The following MCAM variants were observed in gnomAD, a reference collection of about 807,000 sequenced individuals.
The protein encoded by MCAM is cell surface glycoprotein MUC18.
A neutral mutation model predicts 79.1 loss-of-function variants in MCAM; 55 were observed. The observed-to-expected ratio is 0.70, with a 90% confidence interval of 0.56 to 0.87. MCAM has a LOEUF of 0.87. Ranked by LOEUF, MCAM falls within the 40% of genes least tolerant of loss-of-function variation. The pLI, the probability that MCAM is intolerant of heterozygous loss-of-function variation, is 0.00. For synonymous variants in MCAM, 330 were observed against 339.8 expected (o/e 0.97, Z 0.32); for missense variants, 745 against 839.8 (o/e 0.89, Z 1.40).
At chr11:119,313,156 A>G (rs749631385) in intron 5 of MCAM, 17 of 1,519,302 alleles carry the variant, frequency 1.1e-5, no homozygotes, top group Non-Finnish European at 3.5e-6. Flanking sequence ...ATGTCTGCTC[A>G]TATCCAAGGA....
intron 13 of MCAM, 79 bp from the exon 14 acceptor site, chr11:119,310,982 C>T (rs575766801): frequency 3.4e-5 from 55 of 1,613,542 alleles, no homozygotes; most frequent in South Asian, 6.6e-5. Flanking sequence ...AGTCCAGGGC[C>T]GACAAGATGG....
rs772468420 is a variant in MCAM, at chr11:119,312,225, C to T, written c.1024+41G>A. Reference sequence around the variant, plus strand: ...GCAGGGTGGGGCCAGTTCCCTATTGCCCCAGCCTGGTCCCCCTGTCCTGGG... The same window carrying T: ...GCAGGGTGGGGCCAGTTCCCTATTGTCCCAGCCTGGTCCCCCTGTCCTGGG... On this transcript the variant is annotated intron_variant, in intron 8 of 15. Coordinates refer to ENST00000264036, the MANE Select transcript of MCAM (RefSeq NM_006500.3). This position sits in a 1 kb window ranked among gnomAD's most constrained non-coding sequence, Gnocchi z 4.9. 1.7e-5 allele frequency: 27 copies of T among 1,612,182 alleles called. No homozygotes were observed. Among genetic ancestry groups the T allele is most frequent in the Non-Finnish European group, 1.7e-5 (20 of 1,178,858 alleles).
At position 119,315,010 on chromosome 11, in the gene MCAM, G is replaced by A. The variant is rs777450325; in HGVS notation, c.223C>T (p.Arg75Cys). The change falls in exon 3 of 16, where the codon CGT (arginine) becomes TGT (cysteine). Residue 75 changes from arginine (R) to cysteine (C), a missense_variant. Arg to Cys is a radical substitution (Grantham distance 180). Transcript: ENST00000264036. This position sits in a 1 kb window ranked among gnomAD's most constrained non-coding sequence, Gnocchi z 4.4. ...VHKEKRTLIF[R>C]VRQGQGQSEP... ...CTCTGGCCCTGGCCCTGGCGCACAC[G>A]GAAGATGAGCGTCCGCTTCTCCTTG... The A allele has an allele frequency of 2.5e-6, 4 of 1,608,904 alleles. No homozygotes were observed. The highest frequency in any genetic ancestry group is 2.7e-5 in the African/African-American group (2 of 74,904).
rs1425291701 is a variant in MCAM at position 119,315,401 on chromosome 11, C to T, written c.68-138G>A. On this transcript the variant is annotated intron_variant, in intron 1 of 15. Coordinates refer to ENST00000264036, the MANE Select transcript of MCAM (RefSeq NM_006500.3). The surrounding 1 kb of genome is among the most constrained non-coding windows in gnomAD (Gnocchi z 4.4). ...GGCCCTGTCCTCTGAACGCTCTACCCCCACCCCGACCCGCGCCCCACCTGG... is the reference window on the plus strand; with the variant it reads ...GGCCCTGTCCTCTGAACGCTCTACCTCCACCCCGACCCGCGCCCCACCTGG... The T allele has an allele frequency of 1.8e-6, 2 of 1,118,588 alleles. No individual in the cohort carries two copies. The highest frequency in any genetic ancestry group is 5.2e-5 in the East Asian group (2 of 38,436). 69.3% of individuals were successfully genotyped at this position (1,118,588 alleles called of 1,614,324 possible). A position where few individuals can be genotyped will look rare whatever the true frequency, so the allele number is the denominator to read the frequency against.
rs1950173208 is a variant in MCAM at position 119,308,564 on chromosome 11, T to TATATATTTTCATATATATATATACATAC, written c.*1294_*1321dup. On this transcript the variant is annotated 3_prime_UTR_variant, in exon 16 of 16. Coordinates refer to ENST00000264036, the MANE Select transcript of MCAM (RefSeq NM_006500.3). ...AATTAAGCTTTATTTTTCATATATA[T>TATATATTTTCATATATATATATACATAC]ATATATTTTCATATATATATATACA... 2.7e-5 allele frequency: 4 copies of TATATATTTTCATATATATATATACATAC among 150,464 alleles called. No individual in the cohort carries two copies. Among genetic ancestry groups the TATATATTTTCATATATATATATACATAC allele is most frequent in the Admixed American group, 2.0e-4 (3 of 15,024 alleles). 9.3% of individuals were successfully genotyped at this position (150,464 alleles called of 1,614,324 possible).
Position 119,316,973 on chromosome 11 carries a change from T to C in MCAM, c.67+62A>G. On this transcript the variant is annotated intron_variant, in intron 1 of 15. Coordinates refer to ENST00000264036, the MANE Select transcript of MCAM (RefSeq NM_006500.3). The surrounding 1 kb of genome is among the most constrained non-coding windows in gnomAD (Gnocchi z 4.8). ...GACCCCGCCGCGCCGCTGGCTCTGC[T>C]CCCTGGCACGCTCCACCGCAGACCC... 1 of 1,417,514 alleles carries C rather than the reference T, an allele frequency of 7.1e-7. No individual in the cohort carries two copies. Among genetic ancestry groups the C allele is most frequent in the Non-Finnish European group, 9.5e-7 (1 of 1,053,276 alleles). The allele number at this position is 1,417,514 out of a possible 1,614,324, so 87.8% of individuals were successfully genotyped here.
At position 119,315,405 on chromosome 11, in the gene MCAM, C is replaced by T. The variant is rs1024744314; in HGVS notation, c.68-142G>A. The T allele has an allele frequency of 4.6e-6, 5 of 1,096,466 alleles. No homozygotes were observed. Among genetic ancestry groups the T allele is most frequent in the Non-Finnish European group, 6.4e-6 (5 of 783,608 alleles). The allele number at this position is 1,096,466 out of a possible 1,614,324, so 67.9% of individuals were successfully genotyped here. Reference sequence around the variant, plus strand: ...CTGTCCTCTGAACGCTCTACCCCCACCCCGACCCGCGCCCCACCTGGGCCA... The same window carrying T: ...CTGTCCTCTGAACGCTCTACCCCCATCCCGACCCGCGCCCCACCTGGGCCA... On this transcript the variant is annotated intron_variant, in intron 1 of 15. Transcript: ENST00000264036. The surrounding 1 kb of genome is among the most constrained non-coding windows in gnomAD (Gnocchi z 4.4).
At chr11:119,310,229 A>AGATGGGGCCTGC (rs1299272625) in intron 15 of MCAM, 120 bp downstream of exon 15, 1 of 759,526 alleles carries the variant, frequency 1.3e-6, no homozygotes, top group Admixed American at 2.1e-5. Flanking sequence ...TAAGAAGGCA[A>AGATGGGGCCTGC]GATGGGGCCT....
At chr11:119,313,049 C>A (rs1313705735) in intron 5 of MCAM, 100 bp from the exon 6 acceptor site, 1 of 1,575,312 alleles carries the variant, frequency 6.3e-7, no homozygotes, top group Non-Finnish European at 8.6e-7. Context: ...TCTAAATAGC[C>A]CCCTGTCCCC....
chr11:119,313,147 T>C (rs1025082811), intron 5 of MCAM, 198 bp from the exon 6 acceptor site: 1 of 1,525,538 alleles, frequency 6.6e-7, no homozygotes, highest in Non-Finnish European at 8.8e-7. Flanking sequence ...AACATTTTCA[T>C]GTCTGCTCAT....
Position 119,312,516 on chromosome 11 carries a change from A to G in MCAM, c.861+11T>C. ...GCATCCCCACCTGCACCCAGCACAA[A>G]GCCCCCACACCTGCTTGCTGATGCT... On this transcript the variant is annotated intron_variant, in intron 7 of 15. Transcript: ENST00000264036. The surrounding 1 kb of genome is among the most constrained non-coding windows in gnomAD (Gnocchi z 4.9). 6.2e-7 allele frequency: 1 copy of G among 1,613,974 alleles called. No homozygotes were observed. The highest frequency in any genetic ancestry group is 8.5e-7 in the Non-Finnish European group (1 of 1,179,996).
chr11:119,313,096 T>C (rs1329851714), intron 5 of MCAM, 147 bp from the exon 6 acceptor site: 16 of 1,539,554 alleles, frequency 1.0e-5, no homozygotes, highest in Non-Finnish European at 1.2e-5. Context: ...CTGGAAACCC[T>C]TCAACCCAGC....
At position 119,311,408 on chromosome 11, in the gene MCAM, T is replaced by A. The variant is rs1950231891; in HGVS notation, c.1421A>T (p.Asp474Val). The A allele has an allele frequency of 6.2e-7, 1 of 1,613,882 alleles. No homozygotes were observed. Among genetic ancestry groups the A allele is most frequent in the Admixed American group, 1.7e-5 (1 of 59,986 alleles). The change falls in exon 12 of 16, where the codon GAC becomes GTC. Residue 474 changes from aspartate (D) to valine (V), a missense_variant. Transcript: ENST00000264036. The surrounding 1 kb of genome is among the most constrained non-coding windows in gnomAD (Gnocchi z 4.4). ...WNVNGTASEQ[D>V]QDPQRVLSTL... ...GCTCAGGACTCGCTGTGGATCTTGG[T>A]CTTGTTCACTTGCCTGCGAGGAAAG...
At position 119,311,286 on chromosome 11, in the gene MCAM, C is replaced by G; in HGVS notation, c.1543G>C (p.Glu515Gln). ...LGKNTSILFL[E>Q]LVNLTTLTPD... ...GCAGGGATGCAGCCCTCACCCAGCT[C>G]CAGGAAGAGGATGCTGGTGTTTTTG... Residue 515 changes from glutamate to glutamine, a missense_variant, in exon 12 of 16, where the codon GAG (glutamate) becomes CAG (glutamine). Glu to Gln is a conservative substitution (Grantham distance 29). Coordinates refer to ENST00000264036, the MANE Select transcript of MCAM (RefSeq NM_006500.3). The surrounding 1 kb of genome is among the most constrained non-coding windows in gnomAD (Gnocchi z 4.4). 1 of 1,614,166 alleles carries G rather than the reference C, an allele frequency of 6.2e-7. No homozygotes were observed. Among genetic ancestry groups the G allele is most frequent in the Non-Finnish European group, 8.5e-7 (1 of 1,180,002 alleles).
chr11:119,312,057 C>A lies in MCAM; in HGVS notation c.1138G>T (p.Glu380Ter). The A allele has an allele frequency of 6.3e-7, 1 of 1,595,844 alleles. No individual in the cohort carries two copies. Among genetic ancestry groups the A allele is most frequent in the Non-Finnish European group, 8.5e-7 (1 of 1,170,950 alleles). Residue 380 changes from glutamate to a stop codon, truncating the protein, a stop_gained, in exon 9 of 16, where the codon GAA becomes TAA. Transcript: ENST00000264036. LOFTEE classifies it high-confidence loss of function. The surrounding 1 kb of genome is among the most constrained non-coding windows in gnomAD (Gnocchi z 4.9). ...CCCCAGACCCGCCTGGGTACCTCTTCTCTCAGCCACTGGAACTCGAGGTCC... is the reference window on the plus strand; with the variant it reads ...CCCCAGACCCGCCTGGGTACCTCTTATCTCAGCCACTGGAACTCGAGGTCC... ...SQDLEFQWLR[E>*]ETGQVLERGP... is the part of the protein sequence containing the mutation.
In MCAM at chr11:119,312,175, G is replaced by A. The variant is rs776596118; in HGVS notation, c.1025-5C>T. On this transcript the variant is annotated splice_polypyrimidine_tract_variant and splice_region_variant and intron_variant, in intron 8 of 15. Transcript: ENST00000264036. This position sits in a 1 kb window ranked among gnomAD's most constrained non-coding sequence, Gnocchi z 4.9. ...TCACTCGGACGTCAGACACATCTGG[G>A]GGTACAGCAATCATGTCACCCAGGG... 2 of 1,611,786 alleles carry A rather than the reference G, an allele frequency of 1.2e-6. No homozygotes were observed. Among genetic ancestry groups the A allele is most frequent in the African/African-American group, 1.3e-5 (1 of 74,838 alleles).
At chr11:119,310,092 A>T in intron 15 of MCAM, 177 bp from the exon 16 acceptor site, 1 of 652,084 alleles carries the variant, frequency 1.5e-6, no homozygotes, top group East Asian at 2.7e-5. Context: ...GTCTGACTGC[A>T]CTGGTGAAAT....
At chr11:119,310,027 C>T (rs1950206181) in intron 15 of MCAM, 112 bp from the exon 16 acceptor site, 8 of 928,924 alleles carry the variant, frequency 8.6e-6, no homozygotes, top group African/African-American at 1.6e-5. Context: ...TGGTGGGCAG[C>T]GTTGGGGAGG....
At chr11:119,310,677 A>AAG in intron 14 of MCAM, 79 bp downstream of exon 14, 1 of 1,499,964 alleles carries the variant, frequency 6.7e-7, no homozygotes, top group Non-Finnish European at 9.1e-7. Context: ...TCCTGCTGTC[A>AAG]AGGGGCAGGC....
Sources: allele counts gnomAD v4.1 joint callset, GRCh38; gene constraint gnomAD v4.1.1; non-coding constraint Gnocchi (gnomAD v3.1); transcripts MANE v1.5; gene names NCBI Gene and HGNC (gene_info 2026-07-23, HGNC 2026-07-21).